Variants in CCSER1 observed in about 807,000 individuals in gnomAD.
The protein encoded by CCSER1 is coiled-coil serine rich protein 1.
In CCSER1, 41 loss-of-function variants were observed where a neutral mutation model predicts 82.0. The ratio of observed to expected loss-of-function variants is 0.50; its 90% CI spans 0.39 to 0.65. The LOEUF (loss-of-function observed/expected upper bound fraction) is 0.65, where lower values mean the gene tolerates loss of function less well. Among genes scored for constraint, CCSER1 ranks in the 30% least tolerant of loss-of-function variants. The pLI is 0.00. For missense variants in CCSER1, 1,119 were observed against 1,064.2 expected (o/e 1.05, Z -0.72); for synonymous variants, 414 against 383.9 (o/e 1.08, Z -0.92).
intron 10 of CCSER1, among the ~76,000 whole-genome samples, chr4:91,271,263 A>G (rs1742002990): frequency 6.6e-6 from 1 of 152,010 alleles, no homozygotes; most frequent in African/African-American, 2.4e-5. Flanking sequence ...TTTCTGTAGC[A>G]TAGTACTTTT....
intron 3 of CCSER1, among the ~76,000 whole-genome samples, chr4:90,356,520 C>T (rs1179918900): frequency 2.0e-5 from 3 of 151,612 alleles, no homozygotes; most frequent in Non-Finnish European, 4.4e-5. Flanking sequence ...AGCTATTTGA[C>T]ATTGGAATAT....
chr4:91,550,241 A>G (rs562202937), intron 10 of CCSER1, among the ~76,000 whole-genome samples: 30 of 152,236 alleles, frequency 2.0e-4, no homozygotes, highest in African/African-American at 6.5e-4. Context: ...GTTTTCTGGT[A>G]TTTATTGTAA....
intron 4 of CCSER1, among the ~76,000 whole-genome samples, chr4:90,421,415 G>A (rs959545818): frequency 1.3e-5 from 2 of 152,172 alleles, no homozygotes; most frequent in South Asian, 2.1e-4. Flanking sequence ...ATAGTAGAAT[G>A]ATAGTAGATC....
At chr4:90,988,147 T>C (rs1345628582) in intron 9 of CCSER1, among the ~76,000 whole-genome samples, 2 of 151,190 alleles carry the variant, frequency 1.3e-5, no homozygotes, top group Non-Finnish European at 3.0e-5. Flanking sequence ...TGAGACACCA[T>C]CTCTACAAAA....
At chr4:90,979,135 A>G (rs902729492) in intron 9 of CCSER1, among the ~76,000 whole-genome samples, 2 of 151,402 alleles carry the variant, frequency 1.3e-5, no homozygotes. Context: ...TAATATATGT[A>G]TATAAACATA....
intron 7 of CCSER1, among the ~76,000 whole-genome samples, chr4:90,788,027 G>A: frequency 6.6e-6 from 1 of 151,930 alleles, no homozygotes; most frequent in Non-Finnish European, 1.5e-5. Context: ...CACAGATAAG[G>A]GTACTTTATT....
intron 6 of CCSER1, among the ~76,000 whole-genome samples, chr4:90,704,201 T>G (rs1237314314): frequency 6.6e-6 from 1 of 152,216 alleles, no homozygotes; most frequent in Non-Finnish European, 1.5e-5. Flanking sequence ...TTTGCTTGTG[T>G]GTAAAGGATT....
chr4:90,491,234 A>G (rs994440394), intron 5 of CCSER1, among the ~76,000 whole-genome samples: 1 of 152,122 alleles, frequency 6.6e-6, no homozygotes, highest in Non-Finnish European at 1.5e-5. Flanking sequence ...GGTCCTTCAC[A>G]TCCCTCATAA....
intron 4 of CCSER1, among the ~76,000 whole-genome samples, chr4:90,455,415 A>G (rs1312263289): frequency 6.6e-6 from 1 of 152,110 alleles, no homozygotes; most frequent in Admixed American, 6.5e-5. Context: ...AGAGGAGGAA[A>G]AGGTGATTTT....
intron 8 of CCSER1, among the ~76,000 whole-genome samples, chr4:90,820,515 G>A (rs950865823): frequency 7.2e-5 from 11 of 151,982 alleles, no homozygotes; most frequent in Non-Finnish European, 1.2e-4. Flanking sequence ...CTGCAAGCCC[G>A]TTTTATAGCA....
chr4:90,839,062 G>A (rs1431443899), intron 8 of CCSER1: 3 of 1,606,938 alleles, frequency 1.9e-6, no homozygotes, highest in Admixed American at 1.7e-5. Flanking sequence ...AGCGGAGCGA[G>A]GCGCGCGAGT....
chr4:90,952,054 C>T (rs898931427), intron 9 of CCSER1, among the ~76,000 whole-genome samples: 8 of 151,902 alleles, frequency 5.3e-5, no homozygotes, highest in African/African-American at 1.9e-4. Context: ...ACTTAAATCA[C>T]ATTATGAGAA....
chr4:91,414,191 G>T (rs535276486), intron 10 of CCSER1, among the ~76,000 whole-genome samples: 109 of 152,074 alleles, frequency 7.2e-4, no homozygotes, highest in African/African-American at 2.5e-3. Context: ...AACTTTAACA[G>T]AAATGTTAAA....
chr4:90,221,447 G>A (rs891470000), intron 1 of CCSER1, among the ~76,000 whole-genome samples: 1 of 152,098 alleles, frequency 6.6e-6, no homozygotes, highest in Non-Finnish European at 1.5e-5. Flanking sequence ...GCTAAGACCT[G>A]TACCAGGCAT....
chr4:90,958,758 A>C (rs113673313), intron 9 of CCSER1, among the ~76,000 whole-genome samples: 60 of 152,256 alleles, frequency 3.9e-4, no homozygotes, highest in African/African-American at 1.4e-3. Flanking sequence ...TATGAAGCAA[A>C]TCCTCAGCAG....
intron 1 of CCSER1, among the ~76,000 whole-genome samples, chr4:90,237,024 G>A (rs141321172): frequency 7.6e-4 from 116 of 152,228 alleles, no homozygotes; most frequent in Non-Finnish European, 1.5e-3. Flanking sequence ...ATGGATATGG[G>A]TTTTGTTATA....
chr4:90,559,657 C>A (rs1039682052), intron 5 of CCSER1, among the ~76,000 whole-genome samples: 4 of 151,606 alleles, frequency 2.6e-5, no homozygotes, highest in African/African-American at 7.3e-5. Context: ...CCTGTTTCTA[C>A]ATAAAATACA....
rs978257963 is a variant in CCSER1, at chr4:90,923,247, C to A, written c.2095-123C>A. On this transcript the variant is annotated intron_variant, in intron 8 of 10. Transcript: ENST00000509176. ...GCTTATTTTAAGAGCACTAACACAG[C>A]AAAGCATATGCACAGAGAAGAACAT... is the stretch of plus-strand genomic sequence containing the variant. 5.6e-5 allele frequency: 40 copies of A among 715,186 alleles called. No individual in the cohort carries two copies. In the South Asian group the frequency reaches 6.2e-4, roughly 11 times the overall value. 44.3% of individuals were successfully genotyped at this position (715,186 alleles called of 1,614,324 possible). A position where few individuals can be genotyped will look rare whatever the true frequency, so the allele number is the denominator to read the frequency against.
chr4:90,188,332 T>C (rs2153393569), intron 1 of CCSER1, among the ~76,000 whole-genome samples: 1 of 152,050 alleles, frequency 6.6e-6, no homozygotes, highest in East Asian at 1.9e-4. Context: ...ACTGTTTTAT[T>C]ATCAGTATAT....
Sources: allele counts gnomAD v4.1 joint callset (sites outside exome capture counted in the v4.1 genomes callset), GRCh38; gene constraint gnomAD v4.1.1; transcripts MANE v1.5; gene names NCBI Gene and HGNC (gene_info 2026-07-23, HGNC 2026-07-21).